RGR: variants seen among roughly 807,000 people sequenced by gnomAD.
RGR encodes the protein RPE-retinal G protein-coupled receptor.
In RGR, 30 loss-of-function variants were observed where a neutral mutation model predicts 28.6. The ratio of observed to expected loss-of-function variants is 1.05; its 90% CI spans 0.78 to 1.42. RGR has a LOEUF of 1.42. Among genes scored for constraint, RGR ranks in the 40% most tolerant of loss-of-function variants. The probability of loss-of-function intolerance (pLI) is 0.00; values close to 1 mark genes in which losing one functional copy is unlikely to be tolerated. For synonymous variants in RGR, 180 were observed against 156.4 expected (o/e 1.15, Z -1.13); for missense variants, 404 against 375.6 (o/e 1.08, Z -0.62).
chr10:84,259,084 G>T lies in RGR; in HGVS notation c.*445G>T, dbSNP rs780528286. 1 of 201,888 alleles carries T rather than the reference G, an allele frequency of 5.0e-6. No individual in the cohort carries two copies. 12.5% of individuals were successfully genotyped at this position (201,888 alleles called of 1,614,324 possible). A position where few individuals can be genotyped will look rare whatever the true frequency, so the allele number is the denominator to read the frequency against. On this transcript the variant is annotated 3_prime_UTR_variant, in exon 7 of 7. Transcript: ENST00000652092. ...CTATTATTCCACACTCCATGTCCAC[G>T]TGTACACATTATTTAGCTCCCACTT...
In RGR at chr10:84,257,922, G is replaced by A. The variant is rs1469284712; in HGVS notation, c.660G>A (p.Leu220=). 20 of 1,613,996 alleles carry A rather than the reference G, an allele frequency of 1.2e-5. No individual in the cohort carries two copies. Among genetic ancestry groups the A allele is most frequent in the Non-Finnish European group, 1.7e-5 (20 of 1,180,030 alleles). The change falls in exon 6 of 7, where the codon CTG becomes CTA. Residue 220 remains leucine, a synonymous_variant. Coordinates refer to ENST00000652092, the MANE Select transcript of RGR (RefSeq NM_001012720.2). The stretch of plus-strand genomic sequence containing the variant: ...ACACCACTCTGCCAGCAAGGACGCT[G>A]CTGCTCGGCTGGGGCCCCTATGCCA... The part of the protein sequence containing the change: ...QVNTTLPART[L]LLGWGPYAIL...
Position 84,247,671 on chromosome 10 carries a change from C to T in RGR, c.160C>T (p.Leu54=), listed in dbSNP as rs756805886. 1.2e-6 allele frequency: 2 copies of T among 1,614,114 alleles called. No individual in the cohort carries two copies. Among genetic ancestry groups the T allele is most frequent in the Non-Finnish European group, 1.7e-6 (2 of 1,180,052 alleles). Residue 54 remains leucine (L), a synonymous_variant, in exon 2 of 7, where the codon CTG becomes TTG. Coordinates refer to ENST00000652092, the MANE Select transcript of RGR (RefSeq NM_001012720.2). ...TPELRTPCHL[L]VLSLALADSG... ...GGAGCTGCGGACTCCCTGCCACCTA[C>T]TGGTGCTGAGCTTGGCTCTTGCGGA... is the stretch of plus-strand genomic sequence containing the variant.
At chr10:84,250,506 G>A (rs1181500633) in intron 3 of RGR, 1 of 662,484 alleles carries the variant, frequency 1.5e-6, no homozygotes, top group Non-Finnish European at 2.8e-6. Context: ...ATGCTCCCTT[G>A]GACCATCTTA....
At chr10:84,245,592 G>A (rs1842737843) in intron 1 of RGR, among the ~76,000 whole-genome samples, 1 of 152,140 alleles carries the variant, frequency 6.6e-6, no homozygotes, top group South Asian at 2.1e-4. Flanking sequence ...TTGTGTGGCT[G>A]GAACCAAGTC....
chr10:84,251,511 T>C (rs1842818126), intron 3 of RGR, among the ~76,000 whole-genome samples: 2 of 152,218 alleles, frequency 1.3e-5, no homozygotes, highest in Non-Finnish European at 2.9e-5. Flanking sequence ...TGCCATGTCC[T>C]CACATTAAAA....
At chr10:84,247,487 T>C (rs1842760733) in intron 1 of RGR, 104 bp from the exon 2 acceptor site, 1 of 1,325,172 alleles carries the variant, frequency 7.5e-7, no homozygotes, top group Non-Finnish European at 1.1e-6. Context: ...TTGTCTTCCT[T>C]GTCTGTCCAG....
chr10:84,258,657 GA>G lies in RGR; in HGVS notation c.*19del. On this transcript the variant is annotated 3_prime_UTR_variant, in exon 7 of 7. Coordinates refer to ENST00000652092, the MANE Select transcript of RGR (RefSeq NM_001012720.2). Reference sequence around the variant, plus strand: ...CCAAGTGAGCCTGCCACCCTGGAGTGAGCCCCAGGCCAGGAGGCTGTTCCAG... The same window carrying G: ...CCAAGTGAGCCTGCCACCCTGGAGTGGCCCCAGGCCAGGAGGCTGTTCCAG... 6.2e-7 allele frequency: 1 copy of G among 1,613,932 alleles called. No homozygotes were observed. Among genetic ancestry groups the G allele is most frequent in the Non-Finnish European group, 8.5e-7 (1 of 1,179,936 alleles).
chr10:84,247,867 G>A (rs990509517), intron 2 of RGR, 120 bp downstream of exon 2: 4 of 1,419,454 alleles, frequency 2.8e-6, no homozygotes, highest in Non-Finnish European at 3.9e-6. Context: ...CAAGGGCAGA[G>A]GGTGGGCAGG....
At chr10:84,258,116 G>A in intron 6 of RGR, 110 bp downstream of exon 6, 2 of 1,026,868 alleles carry the variant, frequency 1.9e-6, no homozygotes, top group Non-Finnish European at 3.0e-6. Context: ...CTTCCTTTCT[G>A]TGTTTCTTCC....
chr10:84,257,353 C>A (rs1376850070), intron 5 of RGR, among the ~76,000 whole-genome samples: 1 of 152,150 alleles, frequency 6.6e-6, no homozygotes, highest in African/African-American at 2.4e-5. Context: ...CTGTGGATGA[C>A]GAGTTGGTTC....
Position 84,248,660 on chromosome 10 carries a change from G to C in RGR, c.237-262G>C, listed in dbSNP as rs1318026919. ...TACAGGCATGAGCTCTCCTGTGACA[G>C]AGGGATCTGATCACGCAGAGAGAGC... On this transcript the variant is annotated intron_variant, in intron 2 of 6. Coordinates refer to ENST00000652092, the MANE Select transcript of RGR (RefSeq NM_001012720.2). The C allele has an allele frequency of 2.7e-5, 16 of 585,648 alleles. 1 individual carries two copies. The East Asian group carries it at 4.0e-4, about 15-fold the overall frequency. 36.3% of individuals were successfully genotyped at this position (585,648 alleles called of 1,614,324 possible). A position where few individuals can be genotyped will look rare whatever the true frequency, so the allele number is the denominator to read the frequency against.
At chr10:84,256,059 C>CA (rs1842882251) in intron 5 of RGR, among the ~76,000 whole-genome samples, 2 of 54,360 alleles carry the variant, frequency 3.7e-5, no homozygotes, top group Non-Finnish European at 6.2e-5. Context: ...TTTTTCCTTT[C>CA]TTTTTTTTTT....
chr10:84,253,043 T>A (rs367682025), intron 4 of RGR, 33 bp downstream of exon 4: 8 of 1,606,470 alleles, frequency 5.0e-6, no homozygotes, highest in South Asian at 1.1e-5. Flanking sequence ...GAGGCTCCTA[T>A]CCATGGGAAT....
chr10:84,249,110 G>A, intron 3 of RGR, 67 bp downstream of exon 3: 1 of 1,600,314 alleles, frequency 6.2e-7, no homozygotes. Flanking sequence ...AGGCAGGGAG[G>A]GGCAGTCATA....
Position 84,257,904 on chromosome 10 carries a change from T to A in RGR, c.642T>A (p.Thr214=). Residue 214 remains threonine (T), a synonymous_variant, in exon 6 of 7, where the codon ACT becomes ACA. Transcript: ENST00000652092. ...CAATTTCTCCCCAGGTAAACACCAC[T>A]CTGCCAGCAAGGACGCTGCTGCTCG... ...GKSGHLQVNT[T]LPARTLLLGW... The A allele has an allele frequency of 6.2e-7, 1 of 1,614,036 alleles. No homozygotes were observed. The highest frequency in any genetic ancestry group is 1.3e-5 in the African/African-American group (1 of 75,024).
Position 84,247,742 on chromosome 10 carries a change from TCTC to T in RGR, c.233_235del (p.Leu78del). On this transcript the variant is annotated inframe_deletion and splice_region_variant, in exon 2 of 7. Transcript: ENST00000652092. ...CCCTCGTTGCAGCCACATCCAGCCT[TCTC>T]CGGTACCAGCCCCCTCCCCAGTCCA... 3.7e-6 allele frequency: 6 copies of T among 1,614,070 alleles called. No homozygotes were observed. The Middle Eastern group carries it at 9.9e-4, about 266-fold the overall frequency.
At chr10:84,249,487 A>T (rs914922038) in intron 3 of RGR, among the ~76,000 whole-genome samples, 4 of 151,968 alleles carry the variant, frequency 2.6e-5, no homozygotes, top group Non-Finnish European at 5.9e-5. Flanking sequence ...TAATTTTTGT[A>T]TTTTTAGTAG....
chr10:84,252,305 T>C (rs1040687013), intron 3 of RGR, among the ~76,000 whole-genome samples: 1 of 152,196 alleles, frequency 6.6e-6, no homozygotes, highest in Non-Finnish European at 1.5e-5. Context: ...GTGCTGAGGA[T>C]GGTGGTAAGT....
At chr10:84,255,967 G>A (rs572312817) in intron 5 of RGR, among the ~76,000 whole-genome samples, 2 of 145,118 alleles carry the variant, frequency 1.4e-5, no homozygotes, top group South Asian at 2.2e-4. Context: ...CAGGTGATCC[G>A]CCCGCCTCCG....
Sources: allele counts gnomAD v4.1 joint callset (sites outside exome capture counted in the v4.1 genomes callset), GRCh38; gene constraint gnomAD v4.1.1; transcripts MANE v1.5; gene names NCBI Gene and HGNC (gene_info 2026-07-23, HGNC 2026-07-21).